Variants in CLSTN1 observed in about 807,000 individuals in gnomAD.
The protein encoded by CLSTN1 is calsyntenin-1.
Under a neutral mutation model 108.3 loss-of-function variants are expected in CLSTN1, and 28 were observed. The observed-to-expected ratio is 0.26, with a 90% CI of 0.19 to 0.35. The LOEUF is 0.35. Among genes scored for constraint, CLSTN1 ranks in the 10% least tolerant of loss-of-function variants. The probability of loss-of-function intolerance (pLI) is 1.00; values close to 1 mark genes in which losing one functional copy is unlikely to be tolerated. For missense variants in CLSTN1, 1,157 were observed against 1,302.6 expected, an observed-to-expected ratio of 0.89 and a Z score of 1.72; for synonymous variants, 524 against 534.9, an observed-to-expected ratio of 0.98 and a Z score of 0.28.
chr1:9,812,455 G>A (rs76274792), intron 1 of CLSTN1, among the ~76,000 whole-genome samples: 1 of 152,144 alleles, frequency 6.6e-6, no homozygotes, highest in Non-Finnish European at 1.5e-5. Flanking sequence ...CCCACAATTT[G>A]ACTATTAATA....
At chr1:9,759,871 A>G (rs986154108) in intron 2 of CLSTN1, among the ~76,000 whole-genome samples, 3 of 152,234 alleles carry the variant, frequency 2.0e-5, no homozygotes, top group African/African-American at 4.8e-5. Flanking sequence ...GTTTTGATGC[A>G]TATTAATACT....
Position 9,823,862 on chromosome 1 carries a change from A to AGCC in CLSTN1, c.-132_-130dup, listed in dbSNP as rs987047680. The AGCC allele has an allele frequency of 5.8e-5, 17 of 292,230 alleles. No individual in the cohort carries two copies. The highest frequency in any genetic ancestry group is 3.7e-4 in the South Asian group (3 of 8,188). 18.1% of individuals were successfully genotyped at this position (292,230 alleles called of 1,614,324 possible). ...GGGGAGCTCCGGGGGTCCAAGGAGG[A>AGCC]GCCGCCGCCGCCGCCGCCGTGACGC... is the stretch of plus-strand genomic sequence containing the variant. On this transcript the variant is annotated 5_prime_UTR_variant, in exon 1 of 19. Transcript: ENST00000377298. This position sits in a 1 kb window ranked among gnomAD's most constrained non-coding sequence, Gnocchi z 6.3.
chr1:9,756,832 A>G (rs1053609752), intron 2 of CLSTN1, among the ~76,000 whole-genome samples: 2 of 151,980 alleles, frequency 1.3e-5, no homozygotes, highest in African/African-American at 4.8e-5. Context: ...CCAGGCTGGA[A>G]TGCAGTGGTG....
In CLSTN1 at chr1:9,744,644, C is replaced by A; in HGVS notation, c.986-1G>T. ...AGCTCGGCAGTGCCCGCGGCCGCAC[C>A]TGAAGCCACAGTGCTCGGTGAAACT... On this transcript the variant is annotated splice_acceptor_variant, in intron 7 of 18. Coordinates refer to ENST00000377298, the MANE Select transcript of CLSTN1 (RefSeq NM_001009566.3). LOFTEE classifies it high-confidence loss of function. 1 of 1,606,552 alleles carries A rather than the reference C, an allele frequency of 6.2e-7. No homozygotes were observed. Among genetic ancestry groups the A allele is most frequent in the Non-Finnish European group, 8.5e-7 (1 of 1,178,516 alleles).
chr1:9,746,649 G>A (rs1449739995), intron 7 of CLSTN1, among the ~76,000 whole-genome samples: 2 of 151,888 alleles, frequency 1.3e-5, no homozygotes, highest in Non-Finnish European at 2.9e-5. Context: ...AGGAAGTGGA[G>A]GCTGCAGTGA....
intron 1 of CLSTN1, among the ~76,000 whole-genome samples, chr1:9,781,749 C>CT (rs956511297): frequency 6.6e-6 from 1 of 152,088 alleles, no homozygotes; most frequent in Non-Finnish European, 1.5e-5. Context: ...AGCTTATTCA[C>CT]TTTTTTTAAC....
chr1:9,819,130 T>TA (rs1317224708), intron 1 of CLSTN1, among the ~76,000 whole-genome samples: 3 of 151,902 alleles, frequency 2.0e-5, no homozygotes, highest in African/African-American at 7.3e-5. Context: ...TAAGACCCAC[T>TA]AAAAAAACAA....
chr1:9,738,442 T>G (rs898118585), intron 10 of CLSTN1, among the ~76,000 whole-genome samples: 15 of 151,984 alleles, frequency 9.9e-5, no homozygotes, highest in African/African-American at 3.6e-4. Flanking sequence ...AGGCTAGAGG[T>G]GTATCCAGGT....
At chr1:9,792,058 A>C (rs1412068995) in intron 1 of CLSTN1, among the ~76,000 whole-genome samples, 5 of 150,836 alleles carry the variant, frequency 3.3e-5, no homozygotes, top group African/African-American at 1.2e-4. Context: ...CTGGGGCAGG[A>C]GAATCATTTG....
intron 1 of CLSTN1, among the ~76,000 whole-genome samples, chr1:9,813,138 C>A (rs539044625): frequency 3.9e-5 from 6 of 152,228 alleles, no homozygotes; most frequent in African/African-American, 1.4e-4. Context: ...GCACTCCAGC[C>A]TGGGTGACAG....
chr1:9,745,240 A>C (rs1179381971), intron 7 of CLSTN1, among the ~76,000 whole-genome samples: 4 of 152,072 alleles, frequency 2.6e-5, no homozygotes, highest in Admixed American at 6.6e-5. Flanking sequence ...AAAAAAAAAA[A>C]AAAAAACAAA....
At chr1:9,790,867 C>T (rs914324035) in intron 1 of CLSTN1, among the ~76,000 whole-genome samples, 4 of 150,912 alleles carry the variant, frequency 2.7e-5, no homozygotes, top group Non-Finnish European at 5.9e-5. Flanking sequence ...GGCGCGGCGG[C>T]TCACGCCTGT....
chr1:9,749,741 G>C (rs766039309), intron 6 of CLSTN1, 23 bp downstream of exon 6: 1 of 1,613,250 alleles, frequency 6.2e-7, no homozygotes, highest in Admixed American at 1.7e-5. Flanking sequence ...AGATGTGAGC[G>C]CAGGGGAGAG....
In CLSTN1 at chr1:9,745,765, GTTT is replaced by G. The variant is rs778360021; in HGVS notation, c.986-1125_986-1123del. Among the ~76,000 whole-genome samples the G allele has an allele frequency of 3.0e-3, 301 of 100,904 alleles. 2 individuals carry two copies. The East Asian group carries it at 0.038, about 13-fold the overall frequency. The allele number at this position is 100,904 out of a possible 152,430, so 66.2% of individuals were successfully genotyped here. On this transcript the variant is annotated intron_variant, in intron 7 of 18. Coordinates refer to ENST00000377298, the MANE Select transcript of CLSTN1 (RefSeq NM_001009566.3). ...TGTAATTTAAACTATCTGAATAGTT[GTTT>G]TTTTTTTTTTTTTTTTTTTGAGACA...
In CLSTN1 at chr1:9,798,411, G is replaced by A. The variant is rs1288440037; in HGVS notation, c.92-25017C>T. 2.6e-5 allele frequency among the ~76,000 whole-genome samples: 4 copies of A among 152,244 alleles called. No homozygotes were observed. In the East Asian group the frequency reaches 7.7e-4, roughly 29 times the overall value. On this transcript the variant is annotated intron_variant, in intron 1 of 18. Transcript: ENST00000377298. ...GGAACCATAAAAGGAATGAAGTACT[G>A]ATATCCACAACATGTACGAGCCTCA...
At chr1:9,755,961 T>C (rs1651787151) in intron 3 of CLSTN1, among the ~76,000 whole-genome samples, 1 of 152,190 alleles carries the variant, frequency 6.6e-6, no homozygotes, top group African/African-American at 2.4e-5. Flanking sequence ...GTTTCTATTA[T>C]GGGAGGGACT....
At position 9,734,835 on chromosome 1, in the gene CLSTN1, G is replaced by A. The variant is rs1650596882; in HGVS notation, c.2110+113C>T. The A allele has an allele frequency of 2.2e-5, 19 of 880,202 alleles. 1 individual carries two copies. The highest frequency in any genetic ancestry group is 4.7e-5 in the Admixed American group (2 of 42,798). The allele number at this position is 880,202 out of a possible 1,614,324, so 54.5% of individuals were successfully genotyped here. A position where few individuals can be genotyped will look rare whatever the true frequency, so the allele number is the denominator to read the frequency against. ...GAAGCACACCCGAGAGAACACCAAC[G>A]AAAGATTAAAACCTCCCCAAATCCC... On this transcript the variant is annotated intron_variant, in intron 14 of 18. Transcript: ENST00000377298. This position sits in a 1 kb window ranked among gnomAD's most constrained non-coding sequence, Gnocchi z 4.8.
intron 3 of CLSTN1, 35 bp from the exon 4 acceptor site, chr1:9,755,344 A>G (rs763913934): frequency 1.0e-5 from 16 of 1,550,954 alleles, no homozygotes; most frequent in African/African-American, 2.7e-5. Flanking sequence ...AAGAATTCCT[A>G]CCACATAGAT....
chr1:9,792,314 C>A (rs1557717354), intron 1 of CLSTN1, among the ~76,000 whole-genome samples: 1 of 151,516 alleles, frequency 6.6e-6, no homozygotes, highest in South Asian at 2.2e-4. Flanking sequence ...CTAAACAACT[C>A]TCATATGCCA....
Sources: gnomAD v4.1 joint callset for allele counts (sites outside exome capture counted in the v4.1 genomes callset) on GRCh38, gnomAD v4.1.1 for gene constraint, Gnocchi (gnomAD v3.1) non-coding constraint, MANE v1.5 for transcripts, NCBI Gene and HGNC (gene_info 2026-07-23, HGNC 2026-07-21) for gene names.